Variants in IQCH observed in about 807,000 individuals in gnomAD.
The protein encoded by IQCH is IQ domain-containing protein H.
Under a neutral mutation model 117.0 loss-of-function variants are expected in IQCH, and 98 were observed. That is an observed-to-expected ratio of 0.84 (90% CI 0.71 to 0.99). The LOEUF is 0.99. Among genes scored for constraint, IQCH ranks in the 50% least tolerant of loss-of-function variants. IQCH has a pLI of 0.00. For missense variants in IQCH, 1,102 were observed against 1,243.8 expected, an observed-to-expected ratio of 0.89 and a Z score of 1.72; for synonymous variants, 412 against 448.2, an observed-to-expected ratio of 0.92 and a Z score of 1.02.
At chr15:67,498,718 G>T (rs2083895579) in intron 20 of IQCH, among the ~76,000 whole-genome samples, 1 of 152,062 alleles carries the variant, frequency 6.6e-6, no homozygotes, top group African/African-American at 2.4e-5. Flanking sequence ...CATGACCTTG[G>T]GTTAGCAATA....
In IQCH at chr15:67,334,338, A is replaced by G. The variant is rs533381830; in HGVS notation, c.388-2637A>G. On this transcript the variant is annotated intron_variant, in intron 4 of 20. Coordinates refer to ENST00000335894, the MANE Select transcript of IQCH (RefSeq NM_001031715.3). Reference sequence around the variant, plus strand: ...GTTTCTTTAATTTGCATCAGTCTCAATCTACCTTTCCAGTCTCATTCCCCC... The same window carrying G: ...GTTTCTTTAATTTGCATCAGTCTCAGTCTACCTTTCCAGTCTCATTCCCCC... Among the ~76,000 whole-genome samples the G allele has an allele frequency of 5.9e-5, 9 of 152,126 alleles. No homozygotes were observed. The East Asian group carries it at 7.7e-4, about 13-fold the overall frequency.
intron 4 of IQCH, among the ~76,000 whole-genome samples, chr15:67,281,423 A>G (rs2140478584): frequency 1.3e-5 from 2 of 152,296 alleles, no homozygotes; most frequent in Middle Eastern, 6.8e-3. Context: ...GAGGTTACAG[A>G]AATAATGGGG....
intron 4 of IQCH, among the ~76,000 whole-genome samples, chr15:67,289,498 G>A (rs1446348268): frequency 6.6e-6 from 1 of 152,104 alleles, no homozygotes; most frequent in African/African-American, 2.4e-5. Flanking sequence ...ATCCAGCTTG[G>A]AGACTGGGTG....
Position 67,470,354 on chromosome 15 carries a change from AT to A in IQCH, c.2676+5062del, listed in dbSNP as rs1416030280. 2.0e-5 allele frequency among the ~76,000 whole-genome samples: 3 copies of A among 152,042 alleles called. No individual in the cohort carries two copies. In the East Asian group the frequency reaches 5.8e-4, roughly 30 times the overall value. On this transcript the variant is annotated intron_variant, in intron 17 of 20. Transcript: ENST00000335894. ...GACCATGCCTGGCTAATTTTTTTGT[AT>A]TTTTAGTAGAGACGGGGTTTCACCA...
Position 67,359,812 on chromosome 15 carries a change from T to TGTTG in IQCH, c.715-35_715-34insGTTG. ...TTTGTAAAATTGCCCATGAGAGTCG[T>TGTTG]TTTGATTTAAACTGTGTCTCATTCT... is the stretch of plus-strand genomic sequence containing the variant. On this transcript the variant is annotated intron_variant, in intron 7 of 20. Transcript: ENST00000335894. The surrounding 1 kb of genome is among the most constrained non-coding windows in gnomAD (Gnocchi z 4.5). The TGTTG allele has an allele frequency of 6.3e-7, 1 of 1,578,156 alleles. No individual in the cohort carries two copies. Among genetic ancestry groups the TGTTG allele is most frequent in the East Asian group, 2.2e-5 (1 of 44,704 alleles).
intron 16 of IQCH, among the ~76,000 whole-genome samples, chr15:67,455,233 T>G (rs1294429664): frequency 6.6e-6 from 1 of 152,144 alleles, no homozygotes; most frequent in Non-Finnish European, 1.5e-5. Flanking sequence ...TTGTACAGGA[T>G]GTAGGTATGA....
chr15:67,311,084 A>T (rs937944019), intron 4 of IQCH, among the ~76,000 whole-genome samples: 1 of 152,080 alleles, frequency 6.6e-6, no homozygotes, highest in Admixed American at 6.6e-5. Context: ...AGATAAGGAA[A>T]CTGAGACTAA....
At chr15:67,262,244 A>C (rs1965493264) in intron 2 of IQCH, among the ~76,000 whole-genome samples, 1 of 152,226 alleles carries the variant, frequency 6.6e-6, no homozygotes, top group African/African-American at 2.4e-5. Context: ...GAACTTCATC[A>C]TTACAAAGAG....
chr15:67,285,813 G>T (rs530094754), intron 4 of IQCH, among the ~76,000 whole-genome samples: 2 of 151,994 alleles, frequency 1.3e-5, no homozygotes, highest in South Asian at 4.2e-4. Flanking sequence ...TGGTCTACCA[G>T]TACCATGCTG....
At chr15:67,460,228 G>A (rs1238094633) in intron 16 of IQCH, among the ~76,000 whole-genome samples, 1 of 152,196 alleles carries the variant, frequency 6.6e-6, no homozygotes, top group Non-Finnish European at 1.5e-5. Flanking sequence ...TGAGGCTAGT[G>A]GCTACCATAT....
At chr15:67,499,682 A>C (rs905734022) in intron 20 of IQCH, among the ~76,000 whole-genome samples, 1 of 152,056 alleles carries the variant, frequency 6.6e-6, no homozygotes, top group Non-Finnish European at 1.5e-5. Flanking sequence ...CATAATAGCC[A>C]AAAATTAGAA....
chr15:67,319,722 G>A (rs1344956851), intron 4 of IQCH, among the ~76,000 whole-genome samples: 2 of 152,116 alleles, frequency 1.3e-5, no homozygotes, highest in Non-Finnish European at 2.9e-5. Flanking sequence ...AATACTCAGA[G>A]CATATTAGAG....
At position 67,356,892 on chromosome 15, in the gene IQCH, C is replaced by T. The variant is rs1201324995; in HGVS notation, c.638-453C>T. On this transcript the variant is annotated intron_variant, in intron 6 of 20. Transcript: ENST00000335894. The surrounding 1 kb of genome is among the most constrained non-coding windows in gnomAD (Gnocchi z 5.3). ...TCTTTATGGTGCTTTTCACTTGTGT[C>T]ACTTCCCTCAGTCATTTAAATTTTT... Among the ~76,000 whole-genome samples, 1 of 152,164 alleles carries T rather than the reference C, an allele frequency of 6.6e-6. No individual in the cohort carries two copies. The highest frequency in any genetic ancestry group is 1.5e-5 in the Non-Finnish European group (1 of 68,032).
At chr15:67,489,537 G>A (rs1454224738) in intron 18 of IQCH, among the ~76,000 whole-genome samples, 4 of 16,950 alleles carry the variant, frequency 2.4e-4, no homozygotes, top group East Asian at 1.2e-3. Context: ...TGCAACCTCC[G>A]CCTTCCGGGT....
intron 4 of IQCH, among the ~76,000 whole-genome samples, chr15:67,305,329 T>G (rs1328753838): frequency 6.6e-6 from 1 of 152,118 alleles, no homozygotes; most frequent in African/African-American, 2.4e-5. Flanking sequence ...CATTTTCAAC[T>G]GCCTACTTCA....
chr15:67,440,090 C>T (rs1384091192), intron 16 of IQCH, among the ~76,000 whole-genome samples: 1 of 152,020 alleles, frequency 6.6e-6, no homozygotes, highest in Non-Finnish European at 1.5e-5. Context: ...ACTATGACCA[C>T]CTTTACACAC....
chr15:67,286,603 T>C (rs940126239), intron 4 of IQCH, among the ~76,000 whole-genome samples: 1 of 119,144 alleles, frequency 8.4e-6, no homozygotes, highest in African/African-American at 2.8e-5. Context: ...TATTTATTTA[T>C]TTATTTATTT....
rs576797265 is a variant in IQCH, at chr15:67,443,042, G to A, written c.2505+21465G>A. ...GAGTCTTGCTGTTTCGCCCAGTCCA[G>A]AGTGCAGTGGTGCGATCTCGGCTCA... On this transcript the variant is annotated intron_variant, in intron 16 of 20. Coordinates refer to ENST00000335894, the MANE Select transcript of IQCH (RefSeq NM_001031715.3). The surrounding 1 kb of genome is among the most constrained non-coding windows in gnomAD (Gnocchi z 5.0). Among the ~76,000 whole-genome samples, 188 of 151,578 alleles carry A rather than the reference G, an allele frequency of 1.2e-3. 1 individual carries two copies. Among genetic ancestry groups the A allele is most frequent in the Middle Eastern group, 3.4e-3 (1 of 292 alleles).
In IQCH at chr15:67,337,057, T is replaced by C. The variant is rs963582739; in HGVS notation, c.470T>C (p.Phe157Ser). 6.2e-7 allele frequency: 1 copy of C among 1,613,606 alleles called. No individual in the cohort carries two copies. The highest frequency in any genetic ancestry group is 1.7e-5 in the Admixed American group (1 of 59,960). The change falls in exon 5 of 21, where the codon TTC becomes TCC. Residue 157 changes from phenylalanine to serine, a missense_variant. Transcript: ENST00000335894. Reference protein sequence around the residue: ...LPSSHCTDPYFTPIPVLQADA... With the variant: ...LPSSHCTDPYSTPIPVLQADA... ...TCTTCTCATTGCACAGATCCCTATT[T>C]CACTCCTATACCAGTCTTACAAGCA...
Sources: gnomAD v4.1 joint callset for allele counts (sites outside exome capture counted in the v4.1 genomes callset) on GRCh38, gnomAD v4.1.1 for gene constraint, Gnocchi (gnomAD v3.1) non-coding constraint, MANE v1.5 for transcripts, NCBI Gene and HGNC (gene_info 2026-07-23, HGNC 2026-07-21) for gene names.